TTLL11: variants seen among roughly 807,000 people sequenced by gnomAD.
TTLL11 encodes tubulin tyrosine ligase like 11, also known as tubulin polyglutamylase TTLL11.
In TTLL11, 42 loss-of-function variants were observed where a neutral mutation model predicts 51.7. The observed-to-expected ratio is 0.81, with a 90% CI of 0.64 to 1.05. The LOEUF (loss-of-function observed/expected upper bound fraction) is 1.05. Ranked by LOEUF, TTLL11 falls within the 50% of genes least tolerant of loss-of-function variation. The pLI, the probability that TTLL11 is intolerant of heterozygous loss-of-function variation, is 0.00. For missense variants in TTLL11, 799 were observed against 940.4 expected, an observed-to-expected ratio of 0.85 and a Z score of 1.97; for synonymous variants, 381 against 383.5, an observed-to-expected ratio of 0.99 and a Z score of 0.08.
chr9:121,956,976 C>A (rs1187341571), intron 6 of TTLL11, among the ~76,000 whole-genome samples: 39 of 152,188 alleles, frequency 2.6e-4, no homozygotes, highest in Non-Finnish European at 3.8e-4. Context: ...TGACTCCAAG[C>A]CCCAGAAGAA....
rs552352212 is a variant in TTLL11 at position 121,943,310 on chromosome 9, T to C, written c.1481+30699A>G. On this transcript the variant is annotated intron_variant, in intron 6 of 8. Transcript: ENST00000321582. The stretch of plus-strand genomic sequence containing the variant: ...TTTTCTCCCTTCTCAGAAACAGGCA[T>C]GAGTAGCCTGGCTCTTCTTAGGCGT... 1.2e-4 allele frequency among the ~76,000 whole-genome samples: 18 copies of C among 152,318 alleles called. No individual in the cohort carries two copies. In the East Asian group the frequency reaches 3.1e-3, roughly 26 times the overall value.
rs773466332 is a variant in TTLL11, at chr9:122,092,841, C to G, written c.308G>C (p.Gly103Ala). The G allele has an allele frequency of 1.2e-5, 19 of 1,564,040 alleles. No individual in the cohort carries two copies. Among genetic ancestry groups the G allele is most frequent in the Admixed American group, 1.8e-5 (1 of 55,064 alleles). Residue 103 changes from glycine to alanine, a missense_variant, in exon 1 of 9, where the codon GGG (glycine) becomes GCG (alanine). Transcript: ENST00000321582. ...GCTTCGGCCCTTGTCCCGGGGCTTC[C>G]CGTGCGGGCAGAGGCCCTGCACCGG... is the stretch of plus-strand genomic sequence containing the variant. ...PKPVQGLCPH[G>A]KPRDKGRSCK...
At chr9:121,919,540 G>A (rs1840448155) in intron 6 of TTLL11, among the ~76,000 whole-genome samples, 1 of 152,194 alleles carries the variant, frequency 6.6e-6, no homozygotes, top group South Asian at 2.1e-4. Flanking sequence ...AAATATGGCT[G>A]CAGGCTTCCT....
At chr9:122,075,181 T>C (rs2131902818) in intron 1 of TTLL11, among the ~76,000 whole-genome samples, 1 of 152,250 alleles carries the variant, frequency 6.6e-6, no homozygotes, top group East Asian at 1.9e-4. Context: ...GCTATTGATA[T>C]GTAAGTACTA....
chr9:121,915,600 T>C (rs572157391), intron 6 of TTLL11, among the ~76,000 whole-genome samples: 11 of 152,348 alleles, frequency 7.2e-5, no homozygotes, highest in African/African-American at 2.4e-4. Context: ...GCCTACCTGG[T>C]ATTTCCCAGC....
intron 1 of TTLL11, among the ~76,000 whole-genome samples, chr9:122,078,290 T>G (rs1398638502): frequency 2.6e-5 from 4 of 152,092 alleles, no homozygotes; most frequent in African/African-American, 9.7e-5. Flanking sequence ...CTAATCAAAT[T>G]GAGATACATA....
chr9:121,848,642 G>C (rs1275204392), intron 8 of TTLL11, among the ~76,000 whole-genome samples: 2 of 152,106 alleles, frequency 1.3e-5, no homozygotes, highest in African/African-American at 4.8e-5. Flanking sequence ...CATATTTGAA[G>C]TTAAAACCAT....
intron 6 of TTLL11, among the ~76,000 whole-genome samples, chr9:121,971,166 A>G (rs1388030177): frequency 0.097 from 698 of 7,226 alleles, 86 homozygotes; most frequent in Admixed American, 0.14. Context: ...GGAGGGAGGT[A>G]GGGGGGTCAG....
At chr9:122,091,808 C>T (rs895137503) in intron 1 of TTLL11, among the ~76,000 whole-genome samples, 33 of 152,214 alleles carry the variant, frequency 2.2e-4, no homozygotes, top group African/African-American at 7.5e-4. Flanking sequence ...GCTTTATCCA[C>T]GTAGCCAATT....
At chr9:121,858,579 G>A (rs1167316728) in intron 8 of TTLL11, among the ~76,000 whole-genome samples, 3 of 152,176 alleles carry the variant, frequency 2.0e-5, no homozygotes, top group East Asian at 3.9e-4. Flanking sequence ...AGGAAGGACC[G>A]GCTGCATCTC....
intron 8 of TTLL11, among the ~76,000 whole-genome samples, chr9:121,857,795 G>A (rs1218205033): frequency 6.6e-6 from 1 of 152,216 alleles, no homozygotes; most frequent in Non-Finnish European, 1.5e-5. Context: ...CTTACCGGGA[G>A]CAATTTAAGA....
intron 1 of TTLL11, among the ~76,000 whole-genome samples, chr9:122,053,619 G>A (rs2131853658): frequency 6.6e-6 from 1 of 152,262 alleles, no homozygotes; most frequent in African/African-American, 2.4e-5. Context: ...TAAGGAAGCT[G>A]ACCTAGGCTG....
intron 6 of TTLL11, among the ~76,000 whole-genome samples, chr9:121,918,360 C>T (rs1195977384): frequency 1.3e-5 from 2 of 152,158 alleles, no homozygotes; most frequent in Non-Finnish European, 2.9e-5. Flanking sequence ...TTCGATGCCA[C>T]TGGAACATGT....
intron 4 of TTLL11, among the ~76,000 whole-genome samples, chr9:121,987,952 G>A (rs1191996600): frequency 6.6e-6 from 1 of 151,956 alleles, no homozygotes; most frequent in African/African-American, 2.4e-5. Flanking sequence ...TCTCCACTTG[G>A]ATGTCACATA....
chr9:121,999,841 T>C (rs972669323), intron 3 of TTLL11, among the ~76,000 whole-genome samples: 8 of 152,222 alleles, frequency 5.3e-5, no homozygotes, highest in Admixed American at 1.3e-4. Flanking sequence ...TACAGGGTAA[T>C]TTATTTCCCC....
At chr9:121,930,053 A>G (rs1185707259) in intron 6 of TTLL11, among the ~76,000 whole-genome samples, 2 of 152,240 alleles carry the variant, frequency 1.3e-5, no homozygotes, top group Admixed American at 6.5e-5. Context: ...TAAAGGAAAT[A>G]TTGCATTCCC....
intron 6 of TTLL11, among the ~76,000 whole-genome samples, chr9:121,895,463 ATG>A (rs1455542614): frequency 8.7e-5 from 13 of 149,056 alleles, no homozygotes; most frequent in African/African-American, 3.0e-4. Context: ...GGTTGTGTAA[ATG>A]TGTGGTTGTA....
chr9:122,085,663 C>A (rs1325360158), intron 1 of TTLL11, among the ~76,000 whole-genome samples: 1 of 152,094 alleles, frequency 6.6e-6, no homozygotes, highest in Non-Finnish European at 1.5e-5. Flanking sequence ...ATCAAATAAC[C>A]AAGCCTGTAA....
At chr9:121,955,642 C>T (rs928770045) in intron 6 of TTLL11, among the ~76,000 whole-genome samples, 1 of 152,218 alleles carries the variant, frequency 6.6e-6, no homozygotes, top group East Asian at 1.9e-4. Context: ...CCCAGGCCCA[C>T]TGGACCCTAG....
Sources: gnomAD v4.1 joint callset for allele counts (sites outside exome capture counted in the v4.1 genomes callset) on GRCh38, gnomAD v4.1.1 for gene constraint, MANE v1.5 for transcripts, NCBI Gene and HGNC (gene_info 2026-07-23, HGNC 2026-07-21) for gene names.